SCHIP1: variants seen among roughly 807,000 people sequenced by gnomAD.
The protein encoded by SCHIP1 is schwannomin interacting protein 1, also known as schwannomin-interacting protein 1.
A neutral mutation model predicts 29.7 loss-of-function variants in SCHIP1; 8 were observed. That is an observed-to-expected ratio of 0.27 (90% confidence interval 0.16 to 0.49). SCHIP1 has a LOEUF of 0.49. Ranked by LOEUF, SCHIP1 falls within the 20% of genes least tolerant of loss-of-function variation. SCHIP1 has a pLI of 0.99. For synonymous variants in SCHIP1, 76 were observed against 94.9 expected (o/e 0.80, Z 1.16); for missense variants, 193 against 294.6 (o/e 0.66, Z 2.52).
the SCHIP1 span, among the ~76,000 whole-genome samples, chr3:159,683,881 C>A: frequency 5.3e-5 from 8 of 152,254 alleles, no homozygotes; most frequent in Non-Finnish European, 8.8e-5. Flanking sequence ...TATGCCCCTT[C>A]CCTGTCTGCA....
the SCHIP1 span, among the ~76,000 whole-genome samples, chr3:159,306,987 T>C: frequency 6.6e-6 from 1 of 152,114 alleles, no homozygotes; most frequent in Non-Finnish European, 1.5e-5. Context: ...TAGGAACTAA[T>C]TCAATAGAAG....
the SCHIP1 span, among the ~76,000 whole-genome samples, chr3:159,652,152 T>C: frequency 2.0e-5 from 3 of 152,166 alleles, no homozygotes; most frequent in Admixed American, 6.5e-5. Context: ...TTGGCTCATG[T>C]TTATGGTCTA....
the SCHIP1 span, among the ~76,000 whole-genome samples, chr3:159,594,244 A>G: frequency 2.6e-4 from 40 of 152,380 alleles, no homozygotes; most frequent in African/African-American, 8.9e-4. Context: ...GCTGGAGGCC[A>G]GCATTGATGG....
At chr3:159,292,325 C>G in the SCHIP1 span, among the ~76,000 whole-genome samples, 1 of 152,078 alleles carries the variant, frequency 6.6e-6, no homozygotes. Context: ...TTGCAACATT[C>G]TATTTTGTAT....
the SCHIP1 span, among the ~76,000 whole-genome samples, chr3:159,670,785 G>A: frequency 2.0e-5 from 3 of 151,922 alleles, no homozygotes; most frequent in African/African-American, 7.3e-5. Context: ...CATCCTCCCT[G>A]GGGTCCTGGA....
the SCHIP1 span, among the ~76,000 whole-genome samples, chr3:159,607,104 C>T: frequency 6.6e-6 from 1 of 152,198 alleles, no homozygotes; most frequent in South Asian, 2.1e-4. Flanking sequence ...TTCATACGCC[C>T]ACCCTTCTTA....
chr3:159,849,604 A>G (rs1560081214), intron 1 of SCHIP1, among the ~76,000 whole-genome samples: 1 of 152,192 alleles, frequency 6.6e-6, no homozygotes, highest in Non-Finnish European at 1.5e-5. Context: ...TATGGTCTTT[A>G]GAGCTTTTCA....
chr3:159,582,785 T>TACACACAC, the SCHIP1 span, among the ~76,000 whole-genome samples: 223 of 80,494 alleles, frequency 2.8e-3, no homozygotes, highest in African/African-American at 5.3e-3. Context: ...GAAATATATA[T>TACACACAC]ATACACACAC....
chr3:159,277,239 G>T, the SCHIP1 span, among the ~76,000 whole-genome samples: 1 of 152,124 alleles, frequency 6.6e-6, no homozygotes, highest in East Asian at 1.9e-4. Context: ...TGTTGGTATA[G>T]AAAGCATGTA....
At chr3:159,765,203 ACGCCCCCTCCCTGCGCTCCCGCCCGCC>A in the SCHIP1 span, 3 of 1,464,340 alleles carry the variant, frequency 2.0e-6, no homozygotes, top group African/African-American at 4.4e-5. Flanking sequence ...CACAGCCCGC[ACGCCCCCTCCCTGCGCTCCCGCCCGCC>A]CGCGGCCCCA....
the SCHIP1 span, among the ~76,000 whole-genome samples, chr3:159,451,911 A>G: frequency 6.6e-6 from 1 of 152,130 alleles, no homozygotes; most frequent in Non-Finnish European, 1.5e-5. Context: ...CATACTGAAA[A>G]GAGGGGTAGA....
At chr3:159,842,987 C>G (rs895145828) in intron 1 of SCHIP1, among the ~76,000 whole-genome samples, 1 of 100,086 alleles carries the variant, frequency 1.0e-5, no homozygotes, top group African/African-American at 3.4e-5. Context: ...CCAGTTCTAT[C>G]CCAATATTTC....
chr3:159,695,002 A>G, the SCHIP1 span, among the ~76,000 whole-genome samples: 6 of 152,154 alleles, frequency 3.9e-5, no homozygotes, highest in Admixed American at 2.0e-4. Context: ...CTCCACCCCA[A>G]TTACTCTAGA....
chr3:159,851,578 A>G (rs1411272283), intron 1 of SCHIP1, among the ~76,000 whole-genome samples: 2 of 144,724 alleles, frequency 1.4e-5, no homozygotes, highest in African/African-American at 2.6e-5. Flanking sequence ...TATGCCAGGT[A>G]AGAAGATGCA....
chr3:159,698,772 G>A, the SCHIP1 span, among the ~76,000 whole-genome samples: 1 of 151,990 alleles, frequency 6.6e-6, no homozygotes, highest in African/African-American at 2.4e-5. Context: ...CCGAGTAGCT[G>A]GGATTACAGG....
chr3:159,533,392 C>T, the SCHIP1 span, among the ~76,000 whole-genome samples: 1 of 152,144 alleles, frequency 6.6e-6, no homozygotes, highest in Non-Finnish European at 1.5e-5. Context: ...CAAAAGCACA[C>T]CATCCCAACC....
At chr3:159,479,420 A>G in the SCHIP1 span, among the ~76,000 whole-genome samples, 1 of 152,190 alleles carries the variant, frequency 6.6e-6, no homozygotes, top group Non-Finnish European at 1.5e-5. Flanking sequence ...GGATAAGACA[A>G]CATGATTCTG....
the SCHIP1 span, among the ~76,000 whole-genome samples, chr3:159,610,924 GATA>G: frequency 1.3e-5 from 2 of 151,928 alleles, no homozygotes; most frequent in African/African-American, 2.4e-5. Flanking sequence ...CTCCATACGT[GATA>G]ATATCTTATT....
the SCHIP1 span, among the ~76,000 whole-genome samples, chr3:159,665,316 T>C: frequency 1.3e-5 from 2 of 152,176 alleles, no homozygotes; most frequent in African/African-American, 4.8e-5. Context: ...TTTACCTTCA[T>C]TTCGTTTCTA....
Sources: allele counts gnomAD v4.1 joint callset (sites outside exome capture counted in the v4.1 genomes callset), GRCh38; gene constraint gnomAD v4.1.1; transcripts MANE v1.5; gene names NCBI Gene and HGNC (gene_info 2026-07-23, HGNC 2026-07-21).